The following PPP2R2C variants were observed in gnomAD, a reference collection of about 807,000 sequenced individuals.
PPP2R2C encodes protein phosphatase 2 regulatory subunit Bgamma.
In PPP2R2C, 10 loss-of-function variants were observed where a neutral mutation model predicts 45.3. The observed-to-expected ratio is 0.22, with a 90% confidence interval of 0.14 to 0.37. The LOEUF (loss-of-function observed/expected upper bound fraction) is 0.37, where lower values mean the gene tolerates loss of function less well. PPP2R2C is among the 10% of genes least tolerant of loss of function. The probability of loss-of-function intolerance (pLI) is 1.00; values close to 1 mark genes in which losing one functional copy is unlikely to be tolerated. For missense variants in PPP2R2C, 308 were observed against 619.7 expected (o/e 0.50, Z 5.34); for synonymous variants, 257 against 245.4 (o/e 1.05, Z -0.44).
rs1731829738 is a variant in PPP2R2C, at chr4:6,324,942, C to A, written c.1053-1349G>T. 6.6e-6 allele frequency among the ~76,000 whole-genome samples: 1 copy of A among 152,202 alleles called. No homozygotes were observed. Among genetic ancestry groups the A allele is most frequent in the Non-Finnish European group, 1.5e-5 (1 of 68,034 alleles). ...AAGCGACCATAAAGAAGTTGTCCTG[C>A]TGAAGGCTCTTCAGGGAGGAAATCC... On this transcript the variant is annotated intron_variant, in intron 8 of 8. Transcript: ENST00000382599. The surrounding 1 kb of genome is among the most constrained non-coding windows in gnomAD (Gnocchi z 4.1).
intron 6 of PPP2R2C, among the ~76,000 whole-genome samples, chr4:6,336,566 C>A (rs1451240009): frequency 6.6e-6 from 1 of 151,614 alleles, no homozygotes; most frequent in East Asian, 2.0e-4. Context: ...GGCAGGGCCG[C>A]AGGCAGCAAA....
chr4:6,406,576 C>A (rs1299335536), intron 1 of PPP2R2C, among the ~76,000 whole-genome samples: 1 of 148,480 alleles, frequency 6.7e-6, no homozygotes, highest in African/African-American at 2.5e-5. Context: ...GATGAAAACC[C>A]TGTCTCTACT....
At chr4:6,541,706 C>A (rs1330394155) in intron 1 of PPP2R2C, among the ~76,000 whole-genome samples, 1 of 152,170 alleles carries the variant, frequency 6.6e-6, no homozygotes, top group Non-Finnish European at 1.5e-5. Context: ...CCATCACGCT[C>A]AGCTAATTTT....
intron 1 of PPP2R2C, among the ~76,000 whole-genome samples, chr4:6,465,905 G>A (rs1277943359): frequency 6.6e-6 from 1 of 152,118 alleles, no homozygotes; most frequent in Non-Finnish European, 1.5e-5. Flanking sequence ...AATAAACAAG[G>A]AAGGACTAGG....
intron 1 of PPP2R2C, among the ~76,000 whole-genome samples, chr4:6,451,474 A>G (rs1053818997): frequency 5.3e-5 from 8 of 152,068 alleles, no homozygotes; most frequent in African/African-American, 1.7e-4. Flanking sequence ...TGTTTCTTGC[A>G]TGAGGTGGGG....
At chr4:6,389,465 G>C (rs150542027) in intron 1 of PPP2R2C, among the ~76,000 whole-genome samples, 1 of 152,352 alleles carries the variant, frequency 6.6e-6, no homozygotes, top group African/African-American at 2.4e-5. Flanking sequence ...GGCTGCTAAG[G>C]ATGGAGGTGG....
intron 5 of PPP2R2C, among the ~76,000 whole-genome samples, chr4:6,363,454 C>T (rs1714001735): frequency 6.6e-6 from 1 of 151,986 alleles, no homozygotes; most frequent in South Asian, 2.1e-4. Context: ...TGGCGGGCAC[C>T]TGTAGCCCCA....
intron 1 of PPP2R2C, among the ~76,000 whole-genome samples, chr4:6,462,300 C>A (rs1359233916): frequency 6.6e-6 from 1 of 152,144 alleles, no homozygotes; most frequent in African/African-American, 2.4e-5. Flanking sequence ...CATGGTGAAA[C>A]CCCGTCTCTA....
chr4:6,378,534 C>A lies in PPP2R2C; in HGVS notation c.207G>T (p.Val69=). ...NAPHSQGEYD[V]YSTFQSHEPE... ...GCTCGTGGCTCTGGAAAGTGCTGTA[C>A]ACGTCGTATTCGCCCTGGCTGTGGG... The change falls in exon 3 of 9, where the codon GTG becomes GTT. Residue 69 remains valine (V), a synonymous_variant. Coordinates refer to ENST00000382599, the MANE Select transcript of PPP2R2C (RefSeq NM_020416.4). This position sits in a 1 kb window ranked among gnomAD's most constrained non-coding sequence, Gnocchi z 5.2. The A allele has an allele frequency of 1.2e-6, 2 of 1,614,132 alleles. No individual in the cohort carries two copies. The highest frequency in any genetic ancestry group is 8.5e-7 in the Non-Finnish European group (1 of 1,180,028).
In PPP2R2C at chr4:6,345,893, T is replaced by C. The variant is rs1227014113; in HGVS notation, c.790+1953A>G. On this transcript the variant is annotated intron_variant, in intron 6 of 8. Coordinates refer to ENST00000382599, the MANE Select transcript of PPP2R2C (RefSeq NM_020416.4). This position sits in a 1 kb window ranked among gnomAD's most constrained non-coding sequence, Gnocchi z 5.3. ...CTCCACACTTATCTCCAGGTGGCAT[T>C]ACTGCCTGGATATCTGGCTGCCTAC... Among the ~76,000 whole-genome samples, 1 of 152,112 alleles carries C rather than the reference T, an allele frequency of 6.6e-6. No homozygotes were observed. Among genetic ancestry groups the C allele is most frequent in the East Asian group, 1.9e-4 (1 of 5,178 alleles).
chr4:6,425,200 C>T (rs1719216067), intron 1 of PPP2R2C, among the ~76,000 whole-genome samples: 1 of 152,136 alleles, frequency 6.6e-6, no homozygotes, highest in Admixed American at 6.5e-5. Context: ...GCTCCCTGTC[C>T]CCCCACCCTA....
At chr4:6,381,245 C>T (rs1000360484) in intron 1 of PPP2R2C, 151 bp from the exon 2 acceptor site, 9 of 1,535,720 alleles carry the variant, frequency 5.9e-6, no homozygotes, top group East Asian at 2.5e-5. Flanking sequence ...GGGTCAGGAG[C>T]ATCGGCGAGG....
intron 1 of PPP2R2C, among the ~76,000 whole-genome samples, chr4:6,439,949 T>G (rs1720071012): frequency 6.6e-6 from 1 of 152,172 alleles, no homozygotes; most frequent in South Asian, 2.1e-4. Context: ...CGTCTTCACT[T>G]CACTGCGTAG....
At chr4:6,465,305 G>A (rs1373643993) in intron 1 of PPP2R2C, among the ~76,000 whole-genome samples, 2 of 152,138 alleles carry the variant, frequency 1.3e-5, no homozygotes, top group Non-Finnish European at 2.9e-5. Context: ...GAGCAACCTG[G>A]AAGTCAGAGG....
At chr4:6,350,451 A>G (rs1468774884) in intron 5 of PPP2R2C, 2 of 985,346 alleles carry the variant, frequency 2.0e-6, no homozygotes, top group Non-Finnish European at 2.4e-6. Flanking sequence ...TTCTCTCTGC[A>G]CACCCTGAGA....
intron 5 of PPP2R2C, among the ~76,000 whole-genome samples, chr4:6,371,126 G>A (rs1447798888): frequency 6.6e-6 from 1 of 152,200 alleles, no homozygotes; most frequent in African/African-American, 2.4e-5. Context: ...TTGAAAAGAC[G>A]GAGTCTCGGA....
chr4:6,418,304 C>T (rs556605803), intron 1 of PPP2R2C, among the ~76,000 whole-genome samples: 3 of 152,174 alleles, frequency 2.0e-5, no homozygotes, highest in Admixed American at 1.3e-4. Context: ...GTCACCCCAT[C>T]CTCAGGATGG....
intron 1 of PPP2R2C, among the ~76,000 whole-genome samples, chr4:6,549,136 C>A (rs1454019538): frequency 6.6e-6 from 1 of 152,186 alleles, no homozygotes; most frequent in Non-Finnish European, 1.5e-5. Context: ...CATCATTGCT[C>A]ACTCCTACAC....
chr4:6,505,120 T>G lies in PPP2R2C; in HGVS notation c.49+30151A>C, dbSNP rs559580620. Among the ~76,000 whole-genome samples the G allele has an allele frequency of 2.0e-5, 3 of 151,766 alleles. No individual in the cohort carries two copies. In the East Asian group the frequency reaches 5.8e-4, roughly 29 times the overall value. On this transcript the variant is annotated intron_variant, in intron 2 of 9. Transcript: ENST00000506140. ...ACTACTGACTTCTCATCAGAAACTA[T>G]GGAGGCCAGAAGGCGGTGGGATGAC...
Sources: allele counts gnomAD v4.1 joint callset (sites outside exome capture counted in the v4.1 genomes callset), GRCh38; gene constraint gnomAD v4.1.1; non-coding constraint Gnocchi (gnomAD v3.1); transcripts MANE v1.5; gene names NCBI Gene and HGNC (gene_info 2026-07-23, HGNC 2026-07-21).